Variants in C10orf90 observed in about 807,000 individuals in gnomAD.
C10orf90 encodes chromosome 10 open reading frame 90.
Under a neutral mutation model 62.5 loss-of-function variants are expected in C10orf90, and 56 were observed. The ratio of observed to expected loss-of-function variants is 0.90; its 90% CI spans 0.72 to 1.12. C10orf90 has a LOEUF of 1.12. Ranked by LOEUF, C10orf90 falls within the 50% of genes most tolerant of loss-of-function variation. The probability of loss-of-function intolerance (pLI) is 0.00; values close to 1 mark genes in which losing one functional copy is unlikely to be tolerated. For missense variants in C10orf90, 970 were observed against 880.4 expected (o/e 1.10, Z -1.29); for synonymous variants, 386 against 340.4 (o/e 1.13, Z -1.47).
At chr10:126,451,105 CCAT>C (rs557985638) in intron 7 of C10orf90, among the ~76,000 whole-genome samples, 129 of 151,864 alleles carry the variant, frequency 8.5e-4, no homozygotes, top group African/African-American at 2.9e-3. Flanking sequence ...ACATCACAAA[CCAT>C]CAGGGAAATG....
At chr10:126,569,900 T>C (rs189885479) in intron 2 of C10orf90, among the ~76,000 whole-genome samples, 1 of 152,172 alleles carries the variant, frequency 6.6e-6, no homozygotes, top group East Asian at 1.9e-4. Flanking sequence ...TGTGTGTCAC[T>C]TTCAAGCTTA....
At chr10:126,549,672 C>T (rs1361838011) in intron 2 of C10orf90, among the ~76,000 whole-genome samples, 1 of 151,626 alleles carries the variant, frequency 6.6e-6, no homozygotes, top group Non-Finnish European at 1.5e-5. Context: ...GACACTTCTC[C>T]CAGAGAAATG....
chr10:126,649,589 T>C (rs569356202), intron 1 of C10orf90, among the ~76,000 whole-genome samples: 58 of 152,180 alleles, frequency 3.8e-4, no homozygotes, highest in Non-Finnish European at 7.3e-4. Context: ...TCTCCTGACA[T>C]TGCCTTCAAA....
chr10:126,505,886 G>A (rs760675496), intron 3 of C10orf90, among the ~76,000 whole-genome samples: 9 of 152,136 alleles, frequency 5.9e-5, no homozygotes, highest in African/African-American at 1.4e-4. Context: ...CTCAGGAGGC[G>A]GAAGTTGTGG....
chr10:126,445,821 A>G (rs977163479), intron 7 of C10orf90, among the ~76,000 whole-genome samples: 1 of 127,798 alleles, frequency 7.8e-6, no homozygotes, highest in Non-Finnish European at 1.6e-5. Context: ...ATATATATAT[A>G]TATATACAAT....
intron 2 of C10orf90, among the ~76,000 whole-genome samples, chr10:126,582,806 A>G (rs1844781061): frequency 6.6e-6 from 1 of 152,210 alleles, no homozygotes; most frequent in Non-Finnish European, 1.5e-5. Context: ...GACTCAGACA[A>G]AAGCCTTGAA....
chr10:126,450,307 A>G (rs1435845851), intron 7 of C10orf90, among the ~76,000 whole-genome samples: 3 of 152,232 alleles, frequency 2.0e-5, no homozygotes, highest in African/African-American at 7.2e-5. Context: ...ACACCTATCA[A>G]AATTTCAATG....
intron 2 of C10orf90, among the ~76,000 whole-genome samples, chr10:126,589,776 C>T (rs1314121323): frequency 6.6e-6 from 1 of 152,100 alleles, no homozygotes; most frequent in East Asian, 1.9e-4. Context: ...AGACCAGTGA[C>T]ATAAAGCAAC....
At chr10:126,498,655 G>T (rs915904779) in intron 4 of C10orf90, among the ~76,000 whole-genome samples, 1 of 152,242 alleles carries the variant, frequency 6.6e-6, no homozygotes, top group Non-Finnish European at 1.5e-5. Flanking sequence ...GCTGCTGGAA[G>T]TCCTGTAGGA....
chr10:126,526,990 C>T (rs1273936300), intron 2 of C10orf90, among the ~76,000 whole-genome samples: 1 of 152,132 alleles, frequency 6.6e-6, no homozygotes, highest in East Asian at 1.9e-4. Flanking sequence ...TTGAGTTGTT[C>T]CCCCTGTGGG....
At chr10:126,430,089 C>A (rs530482819) in intron 7 of C10orf90, among the ~76,000 whole-genome samples, 1 of 152,166 alleles carries the variant, frequency 6.6e-6, no homozygotes, top group Non-Finnish European at 1.5e-5. Flanking sequence ...TAGCATCTAA[C>A]CTACTTTATG....
In C10orf90 at chr10:126,452,024, TTAA is replaced by T. The variant is rs948845539; in HGVS notation, c.2188+7013_2188+7015del. 3.1e-4 allele frequency among the ~76,000 whole-genome samples: 47 copies of T among 152,276 alleles called. No individual in the cohort carries two copies. In the Middle Eastern group the frequency reaches 0.01, roughly 33 times the overall value. On this transcript the variant is annotated intron_variant, in intron 7 of 9. Coordinates refer to ENST00000488181, the MANE Select transcript of C10orf90 (RefSeq NM_001350921.2). ...CTACTGTAGAGCATGGTGACTATAG[TTAA>T]TAATAAAGCTTTTTTATATTTGAAA...
At chr10:126,483,277 T>C (rs546149472) in intron 4 of C10orf90, among the ~76,000 whole-genome samples, 63 of 152,360 alleles carry the variant, frequency 4.1e-4, no homozygotes, top group Non-Finnish European at 7.9e-4. Flanking sequence ...GGCATTCTGG[T>C]CTTTGCTAGT....
intron 2 of C10orf90, among the ~76,000 whole-genome samples, chr10:126,628,072 T>C (rs999203314): frequency 1.3e-5 from 2 of 152,230 alleles, no homozygotes; most frequent in African/African-American, 4.8e-5. Context: ...GTCTTTATCA[T>C]GAAATTAGTT....
chr10:126,459,315 C>A (rs7077404), intron 6 of C10orf90, 98 bp from the exon 7 acceptor site: 492,741 of 1,400,760 alleles, frequency 0.35, 94,324 homozygotes, highest in African/African-American at 0.76. Context: ...GCAAGCACAA[C>A]ACTCAGAGAC....
At chr10:126,437,942 T>C (rs2134011335) in intron 7 of C10orf90, among the ~76,000 whole-genome samples, 1 of 152,340 alleles carries the variant, frequency 6.6e-6, no homozygotes, top group African/African-American at 2.4e-5. Flanking sequence ...TATTCTCTCA[T>C]ATAATTGGTA....
chr10:126,612,452 A>G (rs532310761), intron 2 of C10orf90, among the ~76,000 whole-genome samples: 12 of 152,254 alleles, frequency 7.9e-5, no homozygotes, highest in Middle Eastern at 6.8e-3. Context: ...GAAAGATAAA[A>G]GGCCCTACAC....
chr10:126,666,392 T>C (rs986094186), intron 1 of C10orf90, among the ~76,000 whole-genome samples: 2 of 152,104 alleles, frequency 1.3e-5, no homozygotes, highest in African/African-American at 2.4e-5. Flanking sequence ...TATCCAAAAT[T>C]CAATTTTAAA....
At chr10:126,627,216 G>T (rs566981160) in intron 2 of C10orf90, among the ~76,000 whole-genome samples, 121 of 152,162 alleles carry the variant, frequency 8.0e-4, no homozygotes, top group Non-Finnish European at 1.4e-3. Flanking sequence ...GGCCAGGCTG[G>T]TCTAGACTCC....
Sources: allele counts gnomAD v4.1 joint callset (sites outside exome capture counted in the v4.1 genomes callset), GRCh38; gene constraint gnomAD v4.1.1; transcripts MANE v1.5; gene names NCBI Gene and HGNC (gene_info 2026-07-23, HGNC 2026-07-21).